The following MORC1 variants were observed in gnomAD, a reference collection of about 807,000 sequenced individuals.
MORC1 encodes the protein MORC family CW-type zinc finger protein 1.
In MORC1, 59 loss-of-function variants were observed where a neutral mutation model predicts 134.9. That is an observed-to-expected ratio of 0.44 (90% CI 0.35 to 0.54). MORC1 has a LOEUF of 0.54. MORC1 is among the 20% of genes least tolerant of loss of function. The pLI, the probability that MORC1 is intolerant of heterozygous loss-of-function variation, is 0.00. For synonymous variants in MORC1, 395 were observed against 391.7 expected, an observed-to-expected ratio of 1.01 and a Z score of -0.10; for missense variants, 947 against 1,134.5, an observed-to-expected ratio of 0.83 and a Z score of 2.37.
chr3:109,078,491 A>G (rs1303711191), intron 8 of MORC1, among the ~76,000 whole-genome samples: 2 of 152,054 alleles, frequency 1.3e-5, no homozygotes, highest in African/African-American at 4.8e-5. Flanking sequence ...TAAGCTATTT[A>G]GAAATAAACA....
chr3:109,117,053 G>C (rs576213980), intron 1 of MORC1, among the ~76,000 whole-genome samples: 2 of 152,036 alleles, frequency 1.3e-5, no homozygotes, highest in African/African-American at 2.4e-5. Flanking sequence ...AAACTCACTC[G>C]AAACTATTAT....
intron 14 of MORC1, among the ~76,000 whole-genome samples, chr3:109,040,829 C>CAAAAAAAAAAAAAA (rs59122147): frequency 6.4e-5 from 7 of 108,624 alleles, no homozygotes; most frequent in African/African-American, 1.8e-4. Flanking sequence ...AACTCTGTGT[C>CAAAAAAAAAAAAAA]AAAAAAAAAA....
At chr3:109,040,406 AGGAAGGAAGGAAG>A in intron 14 of MORC1, among the ~76,000 whole-genome samples, 1 of 21,686 alleles carries the variant, frequency 4.6e-5, no homozygotes, top group South Asian at 2.2e-3. Context: ...AAGAAAGAGA[AGGAAGGAAGGAAG>A]GAAGGAAGGA....
chr3:109,084,638 T>C (rs141378067), intron 8 of MORC1, among the ~76,000 whole-genome samples: 228 of 152,086 alleles, frequency 1.5e-3, no homozygotes, highest in African/African-American at 5.1e-3. Flanking sequence ...TTCACAGAAA[T>C]AGAAGAACAA....
chr3:109,063,281 T>C, intron 9 of MORC1, 50 bp from the exon 10 acceptor site: 1 of 1,202,388 alleles, frequency 8.3e-7, no homozygotes, highest in Non-Finnish European at 1.2e-6. Flanking sequence ...CATTTTAAAA[T>C]ACATAAGACA....
At chr3:109,059,489 C>A (rs920793688) in intron 12 of MORC1, among the ~76,000 whole-genome samples, 2 of 152,116 alleles carry the variant, frequency 1.3e-5, no homozygotes, top group African/African-American at 4.8e-5. Context: ...TCAGCTGTTC[C>A]TCCGGGCAGT....
At chr3:109,085,849 C>A (rs1198023677) in intron 8 of MORC1, among the ~76,000 whole-genome samples, 1 of 152,020 alleles carries the variant, frequency 6.6e-6, no homozygotes, top group African/African-American at 2.4e-5. Flanking sequence ...AACCTAAGTG[C>A]CCATAGTGGA....
chr3:109,093,216 A>G (rs941620212), intron 8 of MORC1, among the ~76,000 whole-genome samples: 2 of 152,194 alleles, frequency 1.3e-5, no homozygotes, highest in African/African-American at 2.4e-5. Context: ...GCAGGTCAAG[A>G]TGAGGCCCCA....
rs1456634655 is a variant in MORC1 at position 109,118,053 on chromosome 3, C to T, written c.7G>A (p.Asp3Asn). The part of the protein sequence containing the change: MD[D>N]RYPALQRAQL... The stretch of plus-strand genomic sequence containing the variant: ...GCCCGCTGAAGCGCAGGGTACCTGT[C>T]GTCCATGCCCTCGAACACGACCCGC... Residue 3 changes from aspartate to asparagine, a missense_variant, in exon 1 of 28, where the codon GAC becomes AAC. Physicochemically the swap from Asp to Asn is conservative, Grantham distance 23. This residue lies in a region of MORC1 where 214 missense variants were observed against 281.3 expected (regional missense o/e 0.76). Transcript: ENST00000232603. The T allele has an allele frequency of 1.9e-6, 3 of 1,608,768 alleles. No homozygotes were observed. Among genetic ancestry groups the T allele is most frequent in the Admixed American group, 1.7e-5 (1 of 59,522 alleles).
intron 10 of MORC1, among the ~76,000 whole-genome samples, chr3:109,062,341 T>C (rs576844247): frequency 1.3e-5 from 2 of 152,224 alleles, no homozygotes; most frequent in South Asian, 2.1e-4. Flanking sequence ...AATATGGATA[T>C]AGAGCTACTA....
At chr3:109,088,707 C>T (rs984126892) in intron 8 of MORC1, among the ~76,000 whole-genome samples, 13 of 152,102 alleles carry the variant, frequency 8.5e-5, no homozygotes, top group Admixed American at 5.9e-4. Context: ...AACCCCATTA[C>T]TGGGTATATA....
chr3:109,085,813 A>G (rs756554525), intron 8 of MORC1, among the ~76,000 whole-genome samples: 1 of 152,124 alleles, frequency 6.6e-6, no homozygotes, highest in Non-Finnish European at 1.5e-5. Flanking sequence ...CTGCAGCACT[A>G]TTCAACATAG....
At chr3:109,042,005 C>A (rs1225840353) in intron 14 of MORC1, among the ~76,000 whole-genome samples, 2 of 151,746 alleles carry the variant, frequency 1.3e-5, no homozygotes, top group African/African-American at 4.8e-5. Flanking sequence ...TCAAGTAAGC[C>A]ATTATACACC....
At chr3:109,044,276 G>A (rs1949631325) in intron 14 of MORC1, among the ~76,000 whole-genome samples, 1 of 151,584 alleles carries the variant, frequency 6.6e-6, no homozygotes, top group African/African-American at 2.4e-5. Flanking sequence ...CCAAGCACCT[G>A]GGGAAAAAAA....
At chr3:108,996,273 C>CGT (rs1312561784) in intron 21 of MORC1, among the ~76,000 whole-genome samples, 1 of 119,846 alleles carries the variant, frequency 8.3e-6, no homozygotes, top group African/African-American at 2.9e-5. Context: ...TGTGCGCGTG[C>CGT]GTGCGCGCGC....
chr3:109,079,125 T>A (rs939394462), intron 8 of MORC1, among the ~76,000 whole-genome samples: 8 of 152,160 alleles, frequency 5.3e-5, no homozygotes, highest in African/African-American at 1.9e-4. Flanking sequence ...TCTATGAGGC[T>A]ACCATAATCT....
intron 17 of MORC1, among the ~76,000 whole-genome samples, chr3:109,013,453 C>A: frequency 6.6e-6 from 1 of 152,120 alleles, no homozygotes; most frequent in East Asian, 1.9e-4. Flanking sequence ...TTATTTGAGT[C>A]CTTTCATGTG....
At chr3:109,015,464 G>A (rs1349078192) in intron 17 of MORC1, among the ~76,000 whole-genome samples, 2 of 152,118 alleles carry the variant, frequency 1.3e-5, no homozygotes, top group Non-Finnish European at 2.9e-5. Flanking sequence ...TCTGAGTTCT[G>A]CTCATCTTCT....
chr3:109,063,801 C>T (rs962705003), intron 9 of MORC1, among the ~76,000 whole-genome samples: 2 of 151,992 alleles, frequency 1.3e-5, no homozygotes, highest in Admixed American at 1.3e-4. Flanking sequence ...ATATATATAT[C>T]CATAAACTCA....
Sources: allele counts gnomAD v4.1 joint callset (sites outside exome capture counted in the v4.1 genomes callset), GRCh38; gene constraint gnomAD v4.1.1; regional missense constraint gnomAD v4.1.1; transcripts MANE v1.5; gene names NCBI Gene and HGNC (gene_info 2026-07-23, HGNC 2026-07-21).